STK39: variants seen among roughly 807,000 people sequenced by gnomAD.
STK39 encodes the protein STE20/SPS1-related proline-alanine-rich protein kinase.
A neutral mutation model predicts 77.8 loss-of-function variants in STK39; 20 were observed. The observed-to-expected ratio is 0.26, with a 90% CI of 0.18 to 0.37. The LOEUF (loss-of-function observed/expected upper bound fraction) is 0.37, where lower values mean the gene tolerates loss of function less well. STK39 is among the 10% of genes least tolerant of loss of function. STK39 has a pLI of 1.00. For synonymous variants in STK39, 246 were observed against 234.1 expected (o/e 1.05, Z -0.47); for missense variants, 479 against 656.5 (o/e 0.73, Z 2.95).
chr2:168,140,791 T>C, intron 5 of STK39, 33 bp from the exon 6 acceptor site: 2 of 1,526,714 alleles, frequency 1.3e-6, no homozygotes, highest in Non-Finnish European at 1.8e-6. Context: ...CTTTATTTTA[T>C]GTAAGACATT....
Position 168,247,306 on chromosome 2 carries a change from C to CCGGGGA in STK39, c.129_130insTCCCCG (p.Pro43_Ala44insSerPro). 1 of 1,037,618 alleles carries CCGGGGA rather than the reference C, an allele frequency of 9.6e-7. No homozygotes were observed. 64.3% of individuals were successfully genotyped at this position (1,037,618 alleles called of 1,614,324 possible). ...TGTGCCGCCGGGGCCGGGGCCGGGG[C>CCGGGGA]CGGGGCCGCGGGAGCTGCCGGGGCC... On this transcript the variant is annotated inframe_insertion, in exon 1 of 18. Coordinates refer to ENST00000355999, the MANE Select transcript of STK39 (RefSeq NM_013233.3).
At chr2:168,135,891 T>C (rs548385109) in intron 8 of STK39, among the ~76,000 whole-genome samples, 17 of 152,092 alleles carry the variant, frequency 1.1e-4, no homozygotes, top group Admixed American at 9.8e-4. Context: ...CTTAAAAGAT[T>C]AATACTTTGT....
chr2:168,062,724 C>T (rs1425231317), intron 14 of STK39, among the ~76,000 whole-genome samples: 5 of 152,018 alleles, frequency 3.3e-5, no homozygotes, highest in African/African-American at 1.2e-4. Context: ...TCAGAAAATG[C>T]CTAGTATATG....
intron 2 of STK39, among the ~76,000 whole-genome samples, chr2:168,170,639 G>A (rs10497337): frequency 0.16 from 25,007 of 152,184 alleles, 2,123 homozygotes; most frequent in East Asian, 0.25. Context: ...GAGTGGCAAA[G>A]TGGTAGACTG....
intron 14 of STK39, among the ~76,000 whole-genome samples, chr2:168,057,868 G>A (rs1685566764): frequency 1.3e-5 from 2 of 152,108 alleles, no homozygotes; most frequent in African/African-American, 2.4e-5. Flanking sequence ...CACCATCCAA[G>A]AGATGACCTC....
intron 10 of STK39, among the ~76,000 whole-genome samples, chr2:168,115,647 T>C (rs935634): frequency 0.23 from 34,555 of 152,136 alleles, 4,076 homozygotes; most frequent in East Asian, 0.28. Context: ...TTTGTTGACA[T>C]AAAAAGATGT....
intron 14 of STK39, among the ~76,000 whole-genome samples, chr2:168,057,637 T>C (rs1685561099): frequency 6.6e-6 from 1 of 152,214 alleles, no homozygotes; most frequent in Admixed American, 6.5e-5. Context: ...TCCAGCCTGT[T>C]AATCCTTCTG....
At position 168,107,905 on chromosome 2, in the gene STK39, G is replaced by A. The variant is rs116571737; in HGVS notation, c.1089+21636C>T. Among the ~76,000 whole-genome samples, 425 of 152,244 alleles carry A rather than the reference G, an allele frequency of 2.8e-3. 3 individuals are homozygous for A. Among genetic ancestry groups the A allele is most frequent in the Middle Eastern group, 0.01 (3 of 294 alleles). On this transcript the variant is annotated intron_variant, in intron 10 of 17. Coordinates refer to ENST00000355999, the MANE Select transcript of STK39 (RefSeq NM_013233.3). ...TCACTTTATACGGACACCTGCTTTC[G>A]CATCACTAATGGCATTTACCGAGGA...
intron 5 of STK39, 104 bp downstream of exon 5, chr2:168,161,683 A>G: frequency 2.6e-6 from 2 of 757,634 alleles, no homozygotes; most frequent in Non-Finnish European, 4.2e-6. Context: ...CATTCTGAAA[A>G]GAGATTACAT....
intron 1 of STK39, among the ~76,000 whole-genome samples, chr2:168,207,598 G>A (rs1038575958): frequency 2.0e-5 from 3 of 152,228 alleles, no homozygotes; most frequent in South Asian, 4.1e-4. Context: ...GAGTTCCATG[G>A]AGTAAATCAT....
At chr2:167,959,862 C>A (rs1691897617) in intron 17 of STK39, among the ~76,000 whole-genome samples, 1 of 152,076 alleles carries the variant, frequency 6.6e-6, no homozygotes, top group African/African-American at 2.4e-5. Flanking sequence ...GTTTTACCCA[C>A]CACGGCTTTA....
intron 16 of STK39, among the ~76,000 whole-genome samples, chr2:167,972,033 C>T (rs1692361718): frequency 6.6e-6 from 1 of 152,152 alleles, no homozygotes; most frequent in African/African-American, 2.4e-5. Flanking sequence ...GGCTTTTTGC[C>T]TGTGGTTGAT....
intron 2 of STK39, among the ~76,000 whole-genome samples, chr2:168,167,630 G>A (rs1688723287): frequency 6.6e-6 from 1 of 152,130 alleles, no homozygotes; most frequent in Non-Finnish European, 1.5e-5. Context: ...GAGCCCTGTG[G>A]ACCAGCTACC....
intron 1 of STK39, among the ~76,000 whole-genome samples, chr2:168,203,313 C>A (rs1689658792): frequency 6.6e-6 from 1 of 152,046 alleles, no homozygotes; most frequent in Non-Finnish European, 1.5e-5. Flanking sequence ...CCATTAAGGT[C>A]CTGGCTAGCT....
intron 1 of STK39, among the ~76,000 whole-genome samples, chr2:168,218,991 A>G (rs565508088): frequency 2.6e-5 from 4 of 152,320 alleles, no homozygotes; most frequent in African/African-American, 9.6e-5. Context: ...CCAAGCTGCT[A>G]CATTACACAG....
intron 10 of STK39, among the ~76,000 whole-genome samples, chr2:168,087,752 G>A (rs58681008): frequency 0.08 from 12,222 of 152,096 alleles, 1,177 homozygotes; most frequent in African/African-American, 0.22. Flanking sequence ...CCTCACTATC[G>A]GTATTTATAA....
Position 168,137,984 on chromosome 2 carries a change from A to T in STK39, c.974+104T>A, listed in dbSNP as rs555524587. The T allele has an allele frequency of 3.2e-5, 47 of 1,452,030 alleles. 1 individual carries two copies. The highest frequency in any genetic ancestry group is 8.3e-6 in the Non-Finnish European group (9 of 1,089,354). The allele number at this position is 1,452,030 out of a possible 1,614,324, so 89.9% of individuals were successfully genotyped here. A position where few individuals can be genotyped will look rare whatever the true frequency, so the allele number is the denominator to read the frequency against. The stretch of plus-strand genomic sequence containing the variant: ...GGACCACAGCAGGGTTTCCCAGACA[A>T]GAAATACCTTTCCAGTGTCCTCACA... On this transcript the variant is annotated intron_variant, in intron 8 of 17. Coordinates refer to ENST00000355999, the MANE Select transcript of STK39 (RefSeq NM_013233.3).
At chr2:168,154,260 G>T (rs567663377) in intron 5 of STK39, among the ~76,000 whole-genome samples, 1 of 152,334 alleles carries the variant, frequency 6.6e-6, no homozygotes, top group Admixed American at 6.5e-5. Context: ...GAGCACAGGG[G>T]TCATAGAGTT....
chr2:168,152,529 A>G (rs1688317328), intron 5 of STK39, among the ~76,000 whole-genome samples: 2 of 152,192 alleles, frequency 1.3e-5, no homozygotes, highest in African/African-American at 2.4e-5. Context: ...GTTAAGAAGT[A>G]TATTGGTGGG....
Sources: gnomAD v4.1 joint callset for allele counts (sites outside exome capture counted in the v4.1 genomes callset) on GRCh38, gnomAD v4.1.1 for gene constraint, MANE v1.5 for transcripts, NCBI Gene and HGNC (gene_info 2026-07-23, HGNC 2026-07-21) for gene names.